The following PCSK2 variants were observed in gnomAD, a reference collection of about 807,000 sequenced individuals.
PCSK2 encodes proprotein convertase subtilisin/kexin type 2.
In PCSK2, 14 loss-of-function variants were observed where a neutral mutation model predicts 69.7. The observed-to-expected ratio is 0.20, with a 90% confidence interval of 0.13 to 0.31. PCSK2 has a LOEUF of 0.31. Among genes scored for constraint, PCSK2 ranks in the 10% least tolerant of loss-of-function variants. The pLI, the probability that PCSK2 is intolerant of heterozygous loss-of-function variation, is 1.00. For missense variants in PCSK2, 544 were observed against 842.5 expected (o/e 0.65, Z 4.39); for synonymous variants, 307 against 320.7 (o/e 0.96, Z 0.46).
intron 5 of PCSK2, among the ~76,000 whole-genome samples, chr20:17,399,949 A>G (rs6034816): frequency 0.81 from 123,813 of 152,160 alleles, 51,096 homozygotes; most frequent in African/African-American, 0.9. Context: ...GAACCCTGCC[A>G]TTGAAATCAG....
At chr20:17,343,101 C>G (rs1002218954) in intron 2 of PCSK2, among the ~76,000 whole-genome samples, 1 of 152,220 alleles carries the variant, frequency 6.6e-6, no homozygotes, top group Non-Finnish European at 1.5e-5. Context: ...TGGGCCTAGA[C>G]AGTCCTTCTC....
At chr20:17,357,258 G>A (rs2030235488) in intron 2 of PCSK2, among the ~76,000 whole-genome samples, 1 of 152,166 alleles carries the variant, frequency 6.6e-6, no homozygotes, top group Non-Finnish European at 1.5e-5. Flanking sequence ...CTTTCTGGCT[G>A]TCCAAAATTG....
At chr20:17,429,756 C>T (rs2032326564) in intron 7 of PCSK2, among the ~76,000 whole-genome samples, 1 of 152,118 alleles carries the variant, frequency 6.6e-6, no homozygotes, top group Non-Finnish European at 1.5e-5. Context: ...AAGCTAATGA[C>T]TTTTCCCAAA....
rs201978525 is a variant in PCSK2 at position 17,409,271 on chromosome 20, A to G, written c.552A>G (p.Glu184=). Residue 184 remains glutamate (E), a synonymous_variant, in exon 6 of 12, where the codon GAA becomes GAG. Coordinates refer to ENST00000262545, the MANE Select transcript of PCSK2 (RefSeq NM_002594.5). ...TGCCTTGTGTTTTTCAGAATGCCGA[A>G]GCAAGTTACGACTTCAGCAGCAACG... ...HPDLASNYNA[E]ASYDFSSNDP... is the part of the protein sequence containing the mutation. 1 of 1,613,886 alleles carries G rather than the reference A, an allele frequency of 6.2e-7. No homozygotes were observed. The highest frequency in any genetic ancestry group is 1.3e-5 in the African/African-American group (1 of 75,048).
At chr20:17,458,440 A>G (rs1033696282) in intron 10 of PCSK2, among the ~76,000 whole-genome samples, 1 of 152,216 alleles carries the variant, frequency 6.6e-6, no homozygotes, top group African/African-American at 2.4e-5. Context: ...TATATGAGTC[A>G]GTCATCGGCT....
intron 2 of PCSK2, among the ~76,000 whole-genome samples, chr20:17,301,361 G>A (rs1004425736): frequency 6.6e-6 from 1 of 152,158 alleles, no homozygotes; most frequent in African/African-American, 2.4e-5. Flanking sequence ...AAGGCCCCTT[G>A]GAGGAGTTAG....
intron 1 of PCSK2, among the ~76,000 whole-genome samples, chr20:17,245,095 A>G (rs909926050): frequency 6.6e-6 from 1 of 152,122 alleles, no homozygotes; most frequent in African/African-American, 2.4e-5. Flanking sequence ...ATTATCCCAA[A>G]TAGAGACAGT....
intron 6 of PCSK2, among the ~76,000 whole-genome samples, chr20:17,412,489 T>C (rs1034459238): frequency 1.3e-5 from 2 of 150,964 alleles, no homozygotes; most frequent in East Asian, 1.9e-4. Context: ...GAAAAAAGAG[T>C]AAAAAGAAAT....
chr20:17,232,557 G>A (rs942233685), intron 1 of PCSK2, among the ~76,000 whole-genome samples: 1 of 152,022 alleles, frequency 6.6e-6, no homozygotes, highest in Non-Finnish European at 1.5e-5. Context: ...TTTATTTGTA[G>A]GATTTCTTTA....
chr20:17,468,051 A>G (rs2033131481), intron 11 of PCSK2, among the ~76,000 whole-genome samples: 2 of 137,358 alleles, frequency 1.5e-5, no homozygotes, highest in African/African-American at 5.3e-5. Context: ...TGGGCTGCCT[A>G]CCATAGGTAA....
intron 2 of PCSK2, chr20:17,263,210 C>G: frequency 1.3e-6 from 1 of 767,836 alleles, no homozygotes; most frequent in Non-Finnish European, 1.6e-6. Flanking sequence ...ATGTTTGCCT[C>G]TCATGTAACA....
chr20:17,297,767 C>T (rs1398280461), intron 2 of PCSK2, among the ~76,000 whole-genome samples: 1 of 152,194 alleles, frequency 6.6e-6, no homozygotes, highest in Non-Finnish European at 1.5e-5. Flanking sequence ...ATAAACACTG[C>T]CACCTTTACT....
chr20:17,343,204 G>A lies in PCSK2; in HGVS notation c.283-15123G>A, dbSNP rs147386114. Among the ~76,000 whole-genome samples the A allele has an allele frequency of 6.8e-4, 103 of 152,232 alleles. 1 individual carries two copies. The East Asian group carries it at 0.018, about 26-fold the overall frequency. On this transcript the variant is annotated intron_variant, in intron 2 of 11. Transcript: ENST00000262545. Reference sequence around the variant, plus strand: ...CATCTGTAGCTGAACTTCATACAACGCACACCAACTACATTTGGGAGACAG... The same window carrying A: ...CATCTGTAGCTGAACTTCATACAACACACACCAACTACATTTGGGAGACAG...
At chr20:17,276,723 T>C (rs1988094392) in intron 2 of PCSK2, among the ~76,000 whole-genome samples, 1 of 152,080 alleles carries the variant, frequency 6.6e-6, no homozygotes, top group Admixed American at 6.6e-5. Flanking sequence ...GCCAGGGCAA[T>C]CAGGCAGGAG....
intron 2 of PCSK2, among the ~76,000 whole-genome samples, chr20:17,276,779 T>C (rs1364176803): frequency 6.6e-6 from 1 of 152,150 alleles, no homozygotes; most frequent in Non-Finnish European, 1.5e-5. Context: ...AGTCAAATTG[T>C]CCCTGTTTGC....
At chr20:17,347,857 A>G (rs1465869295) in intron 2 of PCSK2, among the ~76,000 whole-genome samples, 15 of 127,724 alleles carry the variant, frequency 1.2e-4, no homozygotes, top group African/African-American at 2.6e-4. Context: ...AGAAAGAAAG[A>G]AAGAGGAGAG....
chr20:17,423,316 A>G (rs755621654), intron 6 of PCSK2, among the ~76,000 whole-genome samples: 15 of 152,174 alleles, frequency 9.9e-5, no homozygotes, highest in Non-Finnish European at 1.9e-4. Context: ...CTGATTGGCA[A>G]TTGGTTGAAT....
intron 2 of PCSK2, among the ~76,000 whole-genome samples, chr20:17,303,484 ATATT>A (rs1989193013): frequency 1.6e-4 from 9 of 56,100 alleles, no homozygotes; most frequent in African/African-American, 5.7e-4. Flanking sequence ...TATATAATAT[ATATT>A]ATATTTAATA....
intron 5 of PCSK2, among the ~76,000 whole-genome samples, chr20:17,399,814 G>T (rs1016075790): frequency 2.0e-5 from 3 of 152,174 alleles, no homozygotes; most frequent in Non-Finnish European, 2.9e-5. Context: ...AGAAAAAAGA[G>T]GAAGTATTTC....
Sources: gnomAD v4.1 joint callset for allele counts (sites outside exome capture counted in the v4.1 genomes callset) on GRCh38, gnomAD v4.1.1 for gene constraint, MANE v1.5 for transcripts, NCBI Gene and HGNC (gene_info 2026-07-23, HGNC 2026-07-21) for gene names.